Variants in SNTG1 observed in about 807,000 individuals in gnomAD.
SNTG1 encodes the protein syntrophin gamma 1.
SNTG1 carries 39 observed loss-of-function variants against 74.7 expected under a neutral mutation model. The ratio of observed to expected loss-of-function variants is 0.52; its 90% CI spans 0.40 to 0.68. SNTG1 has a LOEUF of 0.68. Ranked by LOEUF, SNTG1 falls within the 30% of genes least tolerant of loss-of-function variation. The pLI, the probability that SNTG1 is intolerant of heterozygous loss-of-function variation, is 0.00. For missense variants in SNTG1, 685 were observed against 609.5 expected (o/e 1.12, Z -1.30); for synonymous variants, 254 against 217.1 (o/e 1.17, Z -1.49).
intron 2 of SNTG1, among the ~76,000 whole-genome samples, chr8:50,184,274 T>A (rs2131734344): frequency 6.6e-6 from 1 of 152,222 alleles, no homozygotes; most frequent in African/African-American, 2.4e-5. Context: ...CAAGCAATTC[T>A]CCTGCCTCAG....
chr8:50,499,852 T>G (rs1452819419), intron 8 of SNTG1, among the ~76,000 whole-genome samples: 1 of 152,090 alleles, frequency 6.6e-6, no homozygotes, highest in African/African-American at 2.4e-5. Context: ...TATTCCTGGA[T>G]TAAACTCCAT....
chr8:49,970,469 A>T (rs1811560557), intron 1 of SNTG1, among the ~76,000 whole-genome samples: 2 of 152,198 alleles, frequency 1.3e-5, no homozygotes, highest in Admixed American at 1.3e-4. Context: ...CTTCTCTTCC[A>T]GGGACTAATG....
At chr8:50,185,866 A>C (rs2083364740) in intron 2 of SNTG1, among the ~76,000 whole-genome samples, 1 of 151,556 alleles carries the variant, frequency 6.6e-6, no homozygotes, top group African/African-American at 2.4e-5. Context: ...TCCAAGATAC[A>C]TGTGCAGAAA....
intron 11 of SNTG1, among the ~76,000 whole-genome samples, chr8:50,545,290 C>A (rs922995527): frequency 3.3e-4 from 50 of 150,664 alleles, no homozygotes; most frequent in African/African-American, 1.2e-3. Context: ...ATGTAATGAC[C>A]CTGATTCAGA....
chr8:50,453,812 G>A (rs1457815737), intron 8 of SNTG1, among the ~76,000 whole-genome samples: 1 of 151,810 alleles, frequency 6.6e-6, no homozygotes, highest in African/African-American at 2.4e-5. Context: ...GTCTGCTTAG[G>A]AGCCATGATG....
At chr8:50,704,525 G>A (rs777398520) in intron 15 of SNTG1, 75 bp from the exon 16 acceptor site, 1 of 1,587,572 alleles carries the variant, frequency 6.3e-7, no homozygotes, top group Non-Finnish European at 8.6e-7. Flanking sequence ...TCTGCACCTT[G>A]GTCCAGTCAG....
Position 50,088,320 on chromosome 8 carries a change from A to T in SNTG1, c.-102-84241A>T, listed in dbSNP as rs1363568006. On this transcript the variant is annotated intron_variant, in intron 1 of 18. Coordinates refer to ENST00000642720, the MANE Select transcript of SNTG1 (RefSeq NM_018967.5). ...ATCATACTGAATGGGCAAAAACTGG[A>T]AGCATTCCCTTTGAAAACTGGCACA... Among the ~76,000 whole-genome samples, 26 of 144,562 alleles carry T rather than the reference A, an allele frequency of 1.8e-4. No individual in the cohort carries two copies. In the South Asian group the frequency reaches 3.7e-3, roughly 21 times the overall value. 94.8% of individuals were successfully genotyped at this position (144,562 alleles called of 152,430 possible). A position where few individuals can be genotyped will look rare whatever the true frequency, so the allele number is the denominator to read the frequency against.
chr8:50,116,689 G>A (rs918789943), intron 1 of SNTG1, among the ~76,000 whole-genome samples: 5 of 152,156 alleles, frequency 3.3e-5, no homozygotes, highest in Non-Finnish European at 7.4e-5. Context: ...TTGTTAGTCA[G>A]GTTAGGTTGT....
intron 1 of SNTG1, among the ~76,000 whole-genome samples, chr8:50,115,503 G>A (rs1323793491): frequency 7.1e-6 from 1 of 140,690 alleles, no homozygotes; most frequent in East Asian, 2.3e-4. Context: ...TGGAGGCAGA[G>A]TTTGCAATGA....
At chr8:50,257,913 G>C (rs972728813) in intron 2 of SNTG1, among the ~76,000 whole-genome samples, 3 of 152,208 alleles carry the variant, frequency 2.0e-5, no homozygotes, top group Non-Finnish European at 4.4e-5. Context: ...CGACAGCTAG[G>C]TGTGAAACCA....
chr8:50,779,930 C>T (rs1218613843), intron 18 of SNTG1, among the ~76,000 whole-genome samples: 9 of 151,912 alleles, frequency 5.9e-5, no homozygotes, highest in African/African-American at 2.2e-4. Context: ...TGAATTTTGT[C>T]AAAGGCCTTT....
chr8:50,258,112 AAAC>A (rs1293217066), intron 2 of SNTG1, among the ~76,000 whole-genome samples: 2 of 152,210 alleles, frequency 1.3e-5, no homozygotes, highest in African/African-American at 2.4e-5. Context: ...GTAACAAATG[AAAC>A]AACAGCAGCA....
intron 9 of SNTG1, among the ~76,000 whole-genome samples, chr8:50,507,079 A>T (rs1054894621): frequency 6.6e-6 from 1 of 151,934 alleles, no homozygotes; most frequent in African/African-American, 2.4e-5. Flanking sequence ...TGAGGTGTCT[A>T]TGTGGGATTT....
At chr8:49,996,483 G>A (rs1237938247) in intron 1 of SNTG1, among the ~76,000 whole-genome samples, 3 of 151,836 alleles carry the variant, frequency 2.0e-5, no homozygotes, top group African/African-American at 7.3e-5. Flanking sequence ...TTATCCAAAA[G>A]CCTCATACTG....
intron 18 of SNTG1, among the ~76,000 whole-genome samples, chr8:50,752,735 AAGCCTT>A (rs1362735501): frequency 6.6e-6 from 1 of 151,994 alleles, no homozygotes; most frequent in African/African-American, 2.4e-5. Context: ...CAGGGCTAAG[AAGCCTT>A]AGCCTGACAT....
rs145051046 is a variant in SNTG1, at chr8:50,555,210, T to G, written c.810+2031T>G. ...CCCCTATACTACTGTTTTAACTGTT[T>G]GGAGATCCATATGTCTGTTGCATAT... On this transcript the variant is annotated intron_variant, in intron 12 of 18. Transcript: ENST00000642720. 5.4e-3 allele frequency among the ~76,000 whole-genome samples: 823 copies of G among 152,302 alleles called. 7 individuals carry two copies. Among genetic ancestry groups the G allele is most frequent in the African/African-American group, 0.018 (769 of 41,576 alleles).
chr8:50,684,158 C>T (rs1257139098), intron 15 of SNTG1, among the ~76,000 whole-genome samples: 35 of 152,134 alleles, frequency 2.3e-4, no homozygotes, highest in Admixed American at 2.3e-3. Context: ...CCTCTGATAT[C>T]CCCACTTACA....
At chr8:50,553,977 C>A (rs1238003463) in intron 12 of SNTG1, among the ~76,000 whole-genome samples, 3 of 152,078 alleles carry the variant, frequency 2.0e-5, no homozygotes, top group Non-Finnish European at 2.9e-5. Context: ...TTCAGAAGTC[C>A]TAAGGGAGAT....
intron 13 of SNTG1, among the ~76,000 whole-genome samples, chr8:50,603,274 C>T (rs567213869): frequency 1.3e-5 from 2 of 152,258 alleles, no homozygotes; most frequent in East Asian, 3.9e-4. Flanking sequence ...TTTTCTGCTC[C>T]ACAGTTCTGC....
Sources: allele counts gnomAD v4.1 joint callset (sites outside exome capture counted in the v4.1 genomes callset), GRCh38; gene constraint gnomAD v4.1.1; transcripts MANE v1.5; gene names NCBI Gene and HGNC (gene_info 2026-07-23, HGNC 2026-07-21).